The following TEX13B variants were observed in gnomAD, a reference collection of about 807,000 sequenced individuals.
TEX13B encodes the protein testis expressed 13B.
A neutral mutation model predicts 11.2 loss-of-function variants in TEX13B; 5 were observed. That is an observed-to-expected ratio of 0.44 (90% confidence interval 0.23 to 0.93). The LOEUF (loss-of-function observed/expected upper bound fraction) is 0.93, where lower values mean the gene tolerates loss of function less well. Among genes scored for constraint, TEX13B ranks in the 40% least tolerant of loss-of-function variants. The pLI, the probability that TEX13B is intolerant of heterozygous loss-of-function variation, is 0.23. For missense variants in TEX13B, 213 were observed against 244.2 expected (o/e 0.87, Z 0.85); for synonymous variants, 115 against 100.9 (o/e 1.14, Z -0.84).
Position 107,981,266 on chromosome X carries a change from G to A in TEX13B, c.753C>T (p.Val251=). Residue 251 remains valine (V), a synonymous_variant, in exon 3 of 3, where the codon GTC becomes GTT. Coordinates refer to ENST00000302917, the MANE Select transcript of TEX13B (RefSeq NM_031273.2). ...TGTGGACCCAAGCCCAGAGAAGACA[G>A]ACATGGCTGTTTGTACTGACCTGAG... is the stretch of plus-strand genomic sequence containing the variant. ...ERSQVSTNSH[V]CLLWAWVHSL... The A allele has an allele frequency of 1.7e-6, 2 of 1,211,738 alleles. No individual in the cohort carries two copies. Among genetic ancestry groups the A allele is most frequent in the Non-Finnish European group, 2.2e-6 (2 of 895,376 alleles).
Position 107,981,239 on chromosome X carries a change from A to C in TEX13B, c.780T>G (p.Ser260Arg). The C allele has an allele frequency of 8.3e-7, 1 of 1,211,634 alleles. No homozygotes were observed. The change falls in exon 3 of 3, where the codon AGT (serine) becomes AGG (arginine). Residue 260 changes from serine to arginine, a missense_variant. Physicochemically the swap from Ser to Arg is moderately radical, Grantham distance 110. Coordinates refer to ENST00000302917, the MANE Select transcript of TEX13B (RefSeq NM_031273.2). Reference sequence around the variant, plus strand: ...CTGGACAGGAAGAGGCTCCAGTGAGACTGTGGACCCAAGCCCAGAGAAGAC... The same window carrying C: ...CTGGACAGGAAGAGGCTCCAGTGAGCCTGTGGACCCAAGCCCAGAGAAGAC... ...HVCLLWAWVH[S>R]LTGASSCPAP...
rs1933768137 is a variant in TEX13B, at chrX:107,981,778, T to C, written c.350A>G (p.Gln117Arg). The C allele has an allele frequency of 8.3e-7, 1 of 1,210,455 alleles. No individual in the cohort carries two copies. Among genetic ancestry groups the C allele is most frequent in the Non-Finnish European group, 1.1e-6 (1 of 895,245 alleles). Reference sequence around the variant, plus strand: ...CGCCTCATTGCATTCCATCTCCTGCTGTTCCTTGAGTTCCGTCAGGTTTGA... The same window carrying C: ...CGCCTCATTGCATTCCATCTCCTGCCGTTCCTTGAGTTCCGTCAGGTTTGA... ...LASNLTELKE[Q>R]QEMECNEATF... Residue 117 changes from glutamine (Q) to arginine (R), a missense_variant, in exon 2 of 3, where the codon CAG becomes CGG. Gln to Arg is a conservative substitution (Grantham distance 43). Coordinates refer to ENST00000302917, the MANE Select transcript of TEX13B (RefSeq NM_031273.2).
In TEX13B at chrX:107,981,259, G is replaced by T; in HGVS notation, c.760C>A (p.Leu254Ile). 3 of 1,211,872 alleles carry T rather than the reference G, an allele frequency of 2.5e-6. No individual in the cohort carries two copies. The highest frequency in any genetic ancestry group is 3.4e-6 in the Non-Finnish European group (3 of 895,478). ...QVSTNSHVCL[L>I]WAWVHSLTGA... The stretch of plus-strand genomic sequence containing the variant: ...GTGAGACTGTGGACCCAAGCCCAGA[G>T]AAGACAGACATGGCTGTTTGTACTG... Residue 254 changes from leucine to isoleucine, a missense_variant, in exon 3 of 3, where the codon CTC becomes ATC. By Grantham distance (5) the Leu-to-Ile change is conservative (BLOSUM62 2). Coordinates refer to ENST00000302917, the MANE Select transcript of TEX13B (RefSeq NM_031273.2).
chrX:107,980,947 C>T lies in TEX13B; in HGVS notation c.*133G>A, dbSNP rs189204905. ...ATGAAAAATTCACAGCTTTACACCA[C>T]GGGCAGTCCCAGTTCCCTGGCCTGC... On this transcript the variant is annotated 3_prime_UTR_variant, in exon 3 of 3. Transcript: ENST00000302917. 1.4e-4 allele frequency: 134 copies of T among 971,371 alleles called. 1 individual carries two copies. The East Asian group carries it at 3.7e-3, about 27-fold the overall frequency. The allele number at this position is 971,371 out of a possible 1,213,427, so 80.1% of individuals were successfully genotyped here. A position where few individuals can be genotyped will look rare whatever the true frequency, so the allele number is the denominator to read the frequency against.
In TEX13B at chrX:107,981,130, C is replaced by T; in HGVS notation, c.889G>A (p.Gly297Ser). The T allele has an allele frequency of 5.0e-6, 6 of 1,211,269 alleles. No homozygotes were observed. Among genetic ancestry groups the T allele is most frequent in the Non-Finnish European group, 6.7e-6 (6 of 895,423 alleles). The change falls in exon 3 of 3, where the codon GGT becomes AGT. Residue 297 changes from glycine to serine, a missense_variant. Gly to Ser is a moderately conservative substitution (Grantham distance 56). Coordinates refer to ENST00000302917, the MANE Select transcript of TEX13B (RefSeq NM_031273.2). ...TCTGAGTTGGAACCCGTTCTGTGACCTTTGCTGGTGAAGGGGGTATATTGG... is the reference window on the plus strand; with the variant it reads ...TCTGAGTTGGAACCCGTTCTGTGACTTTTGCTGGTGAAGGGGGTATATTGG... The part of the protein sequence containing the change: ...HTQYTPFTSK[G>S]HRTGSNSDAF...
chrX:107,981,586 C>A (rs377229532), intron 2 of TEX13B, 27 bp from the exon 3 acceptor site: 21 of 1,203,533 alleles, frequency 1.7e-5, no homozygotes, highest in African/African-American at 1.6e-4. Context: ...AGAGCTGAAA[C>A]ACATTCTGGG....
chrX:107,981,000 G>C lies in TEX13B; in HGVS notation c.*80C>G, dbSNP rs1933754754. The C allele has an allele frequency of 6.8e-6, 8 of 1,169,633 alleles. No individual in the cohort carries two copies. The highest frequency in any genetic ancestry group is 9.3e-6 in the Non-Finnish European group (8 of 862,120). The stretch of plus-strand genomic sequence containing the variant: ...TATACTGGAGGTCTTCTCTGCTGAT[G>C]GAGTTCGGAGTCTCTCCTGTCTCTT... On this transcript the variant is annotated 3_prime_UTR_variant, in exon 3 of 3. Coordinates refer to ENST00000302917, the MANE Select transcript of TEX13B (RefSeq NM_031273.2).
In TEX13B at chrX:107,982,144, A is replaced by G; in HGVS notation, c.-17T>C. On this transcript the variant is annotated 5_prime_UTR_variant, in exon 2 of 3. Coordinates refer to ENST00000302917, the MANE Select transcript of TEX13B (RefSeq NM_031273.2). ...CAAGGCCATGATCGCCTAGGGGCTT[A>G]ACGGTTTCACTAGCCCTGTGTGGAT... The G allele has an allele frequency of 8.5e-7, 1 of 1,176,238 alleles. No homozygotes were observed. The highest frequency in any genetic ancestry group is 2.2e-5 in the Admixed American group (1 of 44,700).
rs1206172824 is a variant in TEX13B, at chrX:107,981,829, T to C, written c.299A>G (p.His100Arg). Residue 100 changes from histidine to arginine, a missense_variant, in exon 2 of 3, where the codon CAC becomes CGC. Physicochemically the swap from His to Arg is conservative, Grantham distance 29. Coordinates refer to ENST00000302917, the MANE Select transcript of TEX13B (RefSeq NM_031273.2). Reference sequence around the variant, plus strand: ...GGCCAAGACCAGCGCAGCTGATCTGTGCAGTTTGGCAAAGCCTTGCAGCCA... The same window carrying C: ...GGCCAAGACCAGCGCAGCTGATCTGCGCAGTTTGGCAAAGCCTTGCAGCCA... The part of the protein sequence containing the change: ...VQWLQGFAKL[H>R]RSAALVLASN... The C allele has an allele frequency of 1.7e-6, 2 of 1,210,841 alleles. No homozygotes were observed. The highest frequency in any genetic ancestry group is 2.2e-6 in the Non-Finnish European group (2 of 894,595).
intron 2 of TEX13B, 48 bp from the exon 3 acceptor site, chrX:107,981,607 G>C: frequency 8.3e-7 from 1 of 1,199,087 alleles, no homozygotes; most frequent in Non-Finnish European, 1.1e-6. Flanking sequence ...GACAGGGCAG[G>C]GGGTCCGGAC....
At position 107,982,083 on chromosome X, in the gene TEX13B, T is replaced by C. The variant is rs1410300415; in HGVS notation, c.45A>G (p.Gly15=). 8.3e-7 allele frequency: 1 copy of C among 1,208,732 alleles called. No individual in the cohort carries two copies. The highest frequency in any genetic ancestry group is 2.2e-5 in the Admixed American group (1 of 46,086). ...PEDPSSGFRH[G]NVVAFIIEKM... ...TCTCGATGATGAAGGCCACCACGTTTCCGTGCCGGAACCCACTACTGGGGT... is the reference window on the plus strand; with the variant it reads ...TCTCGATGATGAAGGCCACCACGTTCCCGTGCCGGAACCCACTACTGGGGT... Residue 15 remains glycine, a synonymous_variant, in exon 2 of 3, where the codon GGA becomes GGG. Transcript: ENST00000302917.
In TEX13B at chrX:107,981,687, T is replaced by C. The variant is rs1330863285; in HGVS notation, c.441A>G (p.Arg147=). ...ATCTTACGGCATGGAAGAGCTTCCA[T>C]CTCAGCATGTCCCGCTCTCTCTGCA... ...AEVQRERDML[R]WKLFHAELAP... Residue 147 remains arginine, a synonymous_variant, in exon 2 of 3, where the codon AGA becomes AGG. Transcript: ENST00000302917. The C allele has an allele frequency of 1.7e-6, 2 of 1,198,550 alleles. No individual in the cohort carries two copies. Among genetic ancestry groups the C allele is most frequent in the South Asian group, 3.6e-5 (2 of 55,040 alleles).
At chrX:107,982,286 A>G (rs1933775630) in intron 1 of TEX13B, 24 bp downstream of exon 1, 2 of 508,915 alleles carry the variant, frequency 3.9e-6, no homozygotes, top group African/African-American at 2.3e-5. Flanking sequence ...GTCCTACCCT[A>G]GGACATCTCC....
Position 107,981,309 on chromosome X carries a change from C to T in TEX13B, c.710G>A (p.Gly237Glu), listed in dbSNP as rs775429506. Reference protein sequence around the residue: ...AIVAGKLHLCGAEGERSQVST... With the variant: ...AIVAGKLHLCEAEGERSQVST... ...GACCTGAGATCTTTCTCCCTCTGCC[C>T]CGCAAAGGTGTAATTTGCCTGCTAC... Residue 237 changes from glycine (G) to glutamate (E), a missense_variant, in exon 3 of 3, where the codon GGG (glycine) becomes GAG (glutamate). Transcript: ENST00000302917. 12 of 1,211,741 alleles carry T rather than the reference C, an allele frequency of 9.9e-6. No homozygotes were observed. The South Asian group carries it at 1.8e-4, about 18-fold the overall frequency.
rs2147892646 is a variant in TEX13B, at chrX:107,981,299, T to C, written c.720A>G (p.Gly240=). The C allele has an allele frequency of 8.3e-7, 1 of 1,211,589 alleles. No individual in the cohort carries two copies. The highest frequency in any genetic ancestry group is 3.0e-5 in the East Asian group (1 of 33,832). Residue 240 remains glycine (G), a synonymous_variant, in exon 3 of 3, where the codon GGA becomes GGG. Coordinates refer to ENST00000302917, the MANE Select transcript of TEX13B (RefSeq NM_031273.2). ...TGTTTGTACTGACCTGAGATCTTTCTCCCTCTGCCCCGCAAAGGTGTAATT... is the reference window on the plus strand; with the variant it reads ...TGTTTGTACTGACCTGAGATCTTTCCCCCTCTGCCCCGCAAAGGTGTAATT... The part of the protein sequence containing the change: ...AGKLHLCGAE[G]ERSQVSTNSH...
intron 1 of TEX13B, 53 bp downstream of exon 1, chrX:107,982,257 A>C: frequency 4.6e-6 from 3 of 650,896 alleles, no homozygotes; most frequent in Non-Finnish European, 4.4e-6. Context: ...GACCCTCCTA[A>C]TGACCCTCTG....
Position 107,981,719 on chromosome X carries a change from C to T in TEX13B, c.409G>A (p.Ala137Thr). The T allele has an allele frequency of 8.3e-7, 1 of 1,209,622 alleles. No homozygotes were observed. Among genetic ancestry groups the T allele is most frequent in the Non-Finnish European group, 1.1e-6 (1 of 894,274 alleles). Reference protein sequence around the residue: ...FQLQLTETSLAEVQRERDMLR... With the variant: ...FQLQLTETSLTEVQRERDMLR... The stretch of plus-strand genomic sequence containing the variant: ...ATGTCCCGCTCTCTCTGCACCTCCG[C>T]AAGGCTGGTCTCGGTTAGCTGCAAC... The change falls in exon 2 of 3, where the codon GCG becomes ACG. Residue 137 changes from alanine (A) to threonine (T), a missense_variant. Physicochemically the swap from Ala to Thr is moderately conservative, Grantham distance 58. Transcript: ENST00000302917.
chrX:107,980,988 T>C lies in TEX13B; in HGVS notation c.*92A>G. 8.6e-7 allele frequency: 1 copy of C among 1,158,691 alleles called. No individual in the cohort carries two copies. The highest frequency in any genetic ancestry group is 1.2e-6 in the Non-Finnish European group (1 of 850,012). ...CCTGGCCTGCGATATACTGGAGGTCTTCTCTGCTGATGGAGTTCGGAGTCT... is the reference window on the plus strand; with the variant it reads ...CCTGGCCTGCGATATACTGGAGGTCCTCTCTGCTGATGGAGTTCGGAGTCT... On this transcript the variant is annotated 3_prime_UTR_variant, in exon 3 of 3. Transcript: ENST00000302917.
In TEX13B at chrX:107,981,711, C is replaced by G; in HGVS notation, c.417G>C (p.Val139=). 8.3e-7 allele frequency: 1 copy of G among 1,207,425 alleles called. No homozygotes were observed. Residue 139 remains valine (V), a synonymous_variant, in exon 2 of 3, where the codon GTG becomes GTC. Transcript: ENST00000302917. ...ATCTCAGCATGTCCCGCTCTCTCTGCACCTCCGCAAGGCTGGTCTCGGTTA... is the reference window on the plus strand; with the variant it reads ...ATCTCAGCATGTCCCGCTCTCTCTGGACCTCCGCAAGGCTGGTCTCGGTTA... ...LQLTETSLAE[V]QRERDMLRWK... is the part of the protein sequence containing the mutation.
Sources: gnomAD v4.1 joint callset for allele counts on GRCh38, gnomAD v4.1.1 for gene constraint, MANE v1.5 for transcripts, NCBI Gene and HGNC (gene_info 2026-07-23, HGNC 2026-07-21) for gene names.